Variants in COL5A1 observed in about 807,000 individuals in gnomAD.
The protein encoded by COL5A1 is collagen type V alpha 1 chain.
In COL5A1, 16 loss-of-function variants were observed where a neutral mutation model predicts 263.7. The ratio of observed to expected loss-of-function variants is 0.06; its 90% CI spans 0.04 to 0.09. The LOEUF (loss-of-function observed/expected upper bound fraction) is 0.09. Among genes scored for constraint, COL5A1 ranks in the 10% least tolerant of loss-of-function variants. The pLI is 1.00. For synonymous variants in COL5A1, 1,012 were observed against 1,004.5 expected (o/e 1.01, Z -0.14); for missense variants, 2,036 against 2,540.5 (o/e 0.80, Z 4.27).
chr9:134,834,216 C>T (rs1308120470), intron 64 of COL5A1, among the ~76,000 whole-genome samples: 4 of 152,200 alleles, frequency 2.6e-5, no homozygotes, highest in Non-Finnish European at 4.4e-5. Flanking sequence ...GAAACCAGGG[C>T]TCGCCTGCTG....
At chr9:134,705,174 T>A (rs4842147) in intron 4 of COL5A1, among the ~76,000 whole-genome samples, 1 of 152,010 alleles carries the variant, frequency 6.6e-6, no homozygotes, top group African/African-American at 2.4e-5. Flanking sequence ...GGGGTGTCTG[T>A]GGCCCCACAG....
At position 134,758,176 on chromosome 9, in the gene COL5A1, G is replaced by A; in HGVS notation, c.1882-67G>A. Reference sequence around the variant, plus strand: ...AAGGCGGGGCGGCCATCACTTGGTGGACACCAAGGCGGGGTGTCCACGTGT... The same window carrying A: ...AAGGCGGGGCGGCCATCACTTGGTGAACACCAAGGCGGGGTGTCCACGTGT... On this transcript the variant is annotated intron_variant, in intron 17 of 65. Transcript: ENST00000371817. This position sits in a 1 kb window ranked among gnomAD's most constrained non-coding sequence, Gnocchi z 4.1. The A allele has an allele frequency of 1.3e-6, 2 of 1,550,608 alleles. No individual in the cohort carries two copies. The highest frequency in any genetic ancestry group is 4.5e-5 in the East Asian group (2 of 44,550).
intron 2 of COL5A1, among the ~76,000 whole-genome samples, chr9:134,695,926 C>T (rs1164088545): frequency 6.6e-6 from 1 of 152,126 alleles, no homozygotes; most frequent in African/African-American, 2.4e-5. Context: ...CTGGTCGGGA[C>T]TGAAGATGGC....
At chr9:134,761,211 G>GCCC (rs1836423598) in intron 18 of COL5A1, among the ~76,000 whole-genome samples, 1 of 130,000 alleles carries the variant, frequency 7.7e-6, no homozygotes, top group Non-Finnish European at 1.6e-5. Context: ...ATGCACACAG[G>GCCC]CATACACATG....
intron 4 of COL5A1, among the ~76,000 whole-genome samples, chr9:134,711,574 C>A (rs563876684): frequency 3.6e-4 from 55 of 152,204 alleles, no homozygotes; most frequent in Non-Finnish European, 6.3e-4. Context: ...TCAGAAAACC[C>A]AAGGCTCCGA....
In COL5A1 at chr9:134,818,191, C is replaced by A. The variant is rs1838839020; in HGVS notation, c.4230+360C>A. 6.6e-6 allele frequency among the ~76,000 whole-genome samples: 1 copy of A among 152,200 alleles called. No individual in the cohort carries two copies. The highest frequency in any genetic ancestry group is 2.1e-4 in the South Asian group (1 of 4,820). On this transcript the variant is annotated intron_variant, in intron 54 of 65. Coordinates refer to ENST00000371817, the MANE Select transcript of COL5A1 (RefSeq NM_000093.5). The surrounding 1 kb of genome is among the most constrained non-coding windows in gnomAD (Gnocchi z 6.0). The stretch of plus-strand genomic sequence containing the variant: ...CGCCTACCTCTGAAGTGGACCGTGT[C>A]CGATGGTGACCGTGTCTGCTGCGGG...
chr9:134,739,481 G>A (rs1038723092), intron 11 of COL5A1, among the ~76,000 whole-genome samples: 3 of 152,220 alleles, frequency 2.0e-5, no homozygotes, highest in East Asian at 1.9e-4. Context: ...GGTGTTCGCG[G>A]GTGTTCACGC....
Position 134,682,269 on chromosome 9 carries a change from C to T in COL5A1, c.110-8643C>T, listed in dbSNP as rs1031504208. Among the ~76,000 whole-genome samples, 2 of 152,154 alleles carry T rather than the reference C, an allele frequency of 1.3e-5. No homozygotes were observed. The highest frequency in any genetic ancestry group is 2.9e-5 in the Non-Finnish European group (2 of 68,024). ...GTGCCAGGGACCCAGCCTAGTGCCTCGCCTTCCCCCAGCCATGCTGCCTGG... is the reference window on the plus strand; with the variant it reads ...GTGCCAGGGACCCAGCCTAGTGCCTTGCCTTCCCCCAGCCATGCTGCCTGG... On this transcript the variant is annotated intron_variant, in intron 1 of 65. Coordinates refer to ENST00000371817, the MANE Select transcript of COL5A1 (RefSeq NM_000093.5). This position sits in a 1 kb window ranked among gnomAD's most constrained non-coding sequence, Gnocchi z 5.1.
chr9:134,768,458 C>T lies in COL5A1; in HGVS notation c.2281C>T (p.Pro761Ser), dbSNP rs140486644. 108 of 1,613,726 alleles carry T rather than the reference C, an allele frequency of 6.7e-5. No individual in the cohort carries two copies. Among genetic ancestry groups the T allele is most frequent in the Middle Eastern group, 1.6e-4 (1 of 6,084 alleles). ...TCCAGGAATGCCCGGTGCTGACGGA[C>T]CCCCGGTGAGTAGCCCTGCCCACCT... ...GLPGMPGADG[P>S]PGHPGKEGPP... The change falls in exon 25 of 66, where the codon CCC (proline) becomes TCC (serine). Residue 761 changes from proline (P) to serine (S), a missense_variant. Physicochemically the swap from Pro to Ser is moderately conservative, Grantham distance 74. This residue lies in a region of COL5A1 where 1,078 missense variants were observed against 1,521.4 expected (regional missense o/e 0.71). Transcript: ENST00000371817.
At position 134,757,774 on chromosome 9, in the gene COL5A1, G is replaced by T. The variant is rs1360575232; in HGVS notation, c.1882-469G>T. Among the ~76,000 whole-genome samples the T allele has an allele frequency of 6.6e-6, 1 of 152,178 alleles. No homozygotes were observed. The highest frequency in any genetic ancestry group is 1.5e-5 in the Non-Finnish European group (1 of 68,034). On this transcript the variant is annotated intron_variant, in intron 17 of 65. Coordinates refer to ENST00000371817, the MANE Select transcript of COL5A1 (RefSeq NM_000093.5). The surrounding 1 kb of genome is among the most constrained non-coding windows in gnomAD (Gnocchi z 6.2). The stretch of plus-strand genomic sequence containing the variant: ...GAAGAGGGGCCGGCCAGAGAGCCAG[G>T]ATGCCTGAGGGTAGCCAGTGCTGGC...
At chr9:134,694,128 C>T (rs1179886247) in intron 2 of COL5A1, among the ~76,000 whole-genome samples, 1 of 152,240 alleles carries the variant, frequency 6.6e-6, no homozygotes, top group African/African-American at 2.4e-5. Context: ...GCAGCTGTTT[C>T]CCCGGCATCC....
intron 5 of COL5A1, 26 bp downstream of exon 5, chr9:134,727,423 G>A: frequency 6.2e-7 from 1 of 1,613,764 alleles, no homozygotes; most frequent in Non-Finnish European, 8.5e-7. Flanking sequence ...CTGGGATCTT[G>A]GGGAGCATGA....
chr9:134,682,148 G>C lies in COL5A1; in HGVS notation c.110-8764G>C, dbSNP rs1159474654. Among the ~76,000 whole-genome samples, 1 of 152,202 alleles carries C rather than the reference G, an allele frequency of 6.6e-6. No homozygotes were observed. Among genetic ancestry groups the C allele is most frequent in the Non-Finnish European group, 1.5e-5 (1 of 68,032 alleles). ...TGTTTGGCGGTGACCTCTGGAGGAC[G>C]GGCCGGGGAGCTTTAAGGGCCAGGC... On this transcript the variant is annotated intron_variant, in intron 1 of 65. Coordinates refer to ENST00000371817, the MANE Select transcript of COL5A1 (RefSeq NM_000093.5). The surrounding 1 kb of genome is among the most constrained non-coding windows in gnomAD (Gnocchi z 5.1).
chr9:134,672,313 T>C (rs931640937), intron 1 of COL5A1, among the ~76,000 whole-genome samples: 2 of 152,246 alleles, frequency 1.3e-5, no homozygotes, highest in Non-Finnish European at 2.9e-5. Context: ...TAATGTCTTA[T>C]TTGTTTAAAC....
chr9:134,802,082 G>A (rs948955270), intron 38 of COL5A1, 75 bp downstream of exon 38: 4 of 1,435,190 alleles, frequency 2.8e-6, no homozygotes, highest in Non-Finnish European at 2.9e-6. Context: ...CCCAGCCCGG[G>A]CATCTGTTCC....
intron 18 of COL5A1, among the ~76,000 whole-genome samples, chr9:134,760,225 CATG>C: frequency 1.2e-4 from 16 of 133,010 alleles, no homozygotes; most frequent in East Asian, 4.9e-4. Context: ...GCACACACCA[CATG>C]CACACACACG....
chr9:134,651,530 A>G (rs1831686370), intron 1 of COL5A1, among the ~76,000 whole-genome samples: 1 of 152,182 alleles, frequency 6.6e-6, no homozygotes, highest in South Asian at 2.1e-4. Context: ...ATAAAAATAA[A>G]AATGTACACC....
At chr9:134,730,593 C>T in intron 7 of COL5A1, 118 bp downstream of exon 7, 1 of 1,430,644 alleles carries the variant, frequency 7.0e-7, no homozygotes, top group Non-Finnish European at 9.7e-7. Flanking sequence ...CTCGGGTGGC[C>T]CCTGTGTTCC....
chr9:134,708,636 T>G (rs748137343), intron 4 of COL5A1: 1 of 518,810 alleles, frequency 1.9e-6, no homozygotes. Context: ...CACCAGCAGG[T>G]GAAGGGCAGA....
Sources: gnomAD v4.1 joint callset for allele counts (sites outside exome capture counted in the v4.1 genomes callset) on GRCh38, gnomAD v4.1.1 for gene constraint, gnomAD v4.1.1 regional missense constraint, Gnocchi (gnomAD v3.1) non-coding constraint, MANE v1.5 for transcripts, NCBI Gene and HGNC (gene_info 2026-07-23, HGNC 2026-07-21) for gene names.